The following WWOX variants were observed in gnomAD, a reference collection of about 807,000 sequenced individuals.
The protein encoded by WWOX is WW domain-containing oxidoreductase.
In WWOX, 69 loss-of-function variants were observed where a neutral mutation model predicts 46.2. The ratio of observed to expected loss-of-function variants is 1.49; its 90% CI spans 1.23 to 1.82. The LOEUF is 1.82. WWOX is among the 40% of genes most tolerant of loss of function. WWOX has a pLI of 0.00. For missense variants in WWOX, 919 were observed against 542.6 expected, an observed-to-expected ratio of 1.69 and a Z score of -6.89; for synonymous variants, 359 against 202.6, an observed-to-expected ratio of 1.77 and a Z score of -6.56.
Position 78,497,673 on chromosome 16 carries a change from C to T in WWOX, c.1056+64921C>T, listed in dbSNP as rs755760062. ...AGCATTATTGTGTGTTGAATAAATACTTGTTTGATTAGGTCTAATCACTCT... is the reference window on the plus strand; with the variant it reads ...AGCATTATTGTGTGTTGAATAAATATTTGTTTGATTAGGTCTAATCACTCT... On this transcript the variant is annotated intron_variant, in intron 8 of 8. Transcript: ENST00000566780. Among the ~76,000 whole-genome samples the T allele has an allele frequency of 2.6e-5, 4 of 152,114 alleles. No homozygotes were observed. In the South Asian group the frequency reaches 6.2e-4, roughly 24 times the overall value.
intron 8 of WWOX, among the ~76,000 whole-genome samples, chr16:78,874,255 CAAAAA>C (rs55971104): frequency 1.0e-3 from 94 of 91,552 alleles, no homozygotes; most frequent in African/African-American, 3.8e-3. Context: ...GACTCTGTCT[CAAAAA>C]AAAAAAAAAA....
At chr16:78,900,307 A>G (rs2044798486) in intron 8 of WWOX, among the ~76,000 whole-genome samples, 1 of 152,114 alleles carries the variant, frequency 6.6e-6, no homozygotes, top group African/African-American at 2.4e-5. Flanking sequence ...CATACACTGA[A>G]CATGTTGAAA....
At chr16:78,153,387 A>G (rs1033984641) in intron 4 of WWOX, among the ~76,000 whole-genome samples, 1 of 152,194 alleles carries the variant, frequency 6.6e-6, no homozygotes. Context: ...TTAGGAGGAT[A>G]TAGGAGAAAC....
intron 8 of WWOX, among the ~76,000 whole-genome samples, chr16:79,108,631 G>A (rs1360041261): frequency 6.6e-6 from 1 of 152,212 alleles, no homozygotes; most frequent in Non-Finnish European, 1.5e-5. Flanking sequence ...TTCGGGCATG[G>A]TGGCTCAAGC....
At chr16:78,239,649 C>T (rs1234685186) in intron 5 of WWOX, among the ~76,000 whole-genome samples, 1 of 152,152 alleles carries the variant, frequency 6.6e-6, no homozygotes, top group Non-Finnish European at 1.5e-5. Context: ...ATTCTCCTGT[C>T]TCAGTCTCCT....
chr16:78,933,100 C>T (rs1349957155), intron 8 of WWOX, among the ~76,000 whole-genome samples: 2 of 152,184 alleles, frequency 1.3e-5, no homozygotes, highest in Non-Finnish European at 2.9e-5. Context: ...GTTGCTACCC[C>T]TGAGCACCAT....
chr16:78,853,516 C>T (rs1249087915), intron 8 of WWOX, among the ~76,000 whole-genome samples: 2 of 152,170 alleles, frequency 1.3e-5, no homozygotes, highest in East Asian at 1.9e-4. Flanking sequence ...CATTCCATAA[C>T]CCGGTGTGCT....
chr16:78,684,634 A>G (rs941628557), intron 8 of WWOX, among the ~76,000 whole-genome samples: 1 of 152,184 alleles, frequency 6.6e-6, no homozygotes, highest in Non-Finnish European at 1.5e-5. Context: ...GTCCCTGCTA[A>G]TGGCTGAGAA....
intron 8 of WWOX, among the ~76,000 whole-genome samples, chr16:78,508,920 G>A (rs1313120219): frequency 6.6e-6 from 1 of 152,204 alleles, no homozygotes; most frequent in African/African-American, 2.4e-5. Flanking sequence ...TGTTACATCT[G>A]CATCATGTAT....
chr16:78,342,523 C>G (rs1251126089), intron 5 of WWOX, among the ~76,000 whole-genome samples: 1 of 119,694 alleles, frequency 8.4e-6, no homozygotes, highest in East Asian at 1.9e-4. Context: ...AGTCCCTGGC[C>G]CCTATGTAAT....
At chr16:79,156,269 C>T (rs1247155755) in intron 8 of WWOX, among the ~76,000 whole-genome samples, 2 of 152,158 alleles carry the variant, frequency 1.3e-5, no homozygotes, top group African/African-American at 2.4e-5. Context: ...TCAAGCAATC[C>T]TCCCACGTCA....
At chr16:78,626,280 G>A (rs1337019419) in intron 8 of WWOX, among the ~76,000 whole-genome samples, 1 of 151,970 alleles carries the variant, frequency 6.6e-6, no homozygotes, top group East Asian at 1.9e-4. Flanking sequence ...ACAGGCATGC[G>A]CCACCACGCT....
chr16:78,776,768 C>T (rs1044548411), intron 8 of WWOX, among the ~76,000 whole-genome samples: 2 of 152,104 alleles, frequency 1.3e-5, no homozygotes, highest in African/African-American at 4.8e-5. Context: ...TACATGGCGG[C>T]AGGCAAGAGG....
intron 4 of WWOX, among the ~76,000 whole-genome samples, chr16:78,151,128 C>T (rs926168509): frequency 1.1e-4 from 16 of 151,832 alleles, no homozygotes; most frequent in Non-Finnish European, 2.4e-4. Flanking sequence ...CCTCTTGCCT[C>T]AGCTTCCCAA....
chr16:78,697,574 A>G (rs970486889), intron 8 of WWOX, among the ~76,000 whole-genome samples: 2 of 152,162 alleles, frequency 1.3e-5, no homozygotes, highest in African/African-American at 2.4e-5. Context: ...TAACAATCCC[A>G]TCAAAAAGTG....
At chr16:79,136,231 C>T (rs894432790) in intron 8 of WWOX, among the ~76,000 whole-genome samples, 4 of 150,126 alleles carry the variant, frequency 2.7e-5, no homozygotes, top group Non-Finnish European at 5.9e-5. Flanking sequence ...GATGTCACTT[C>T]TTCTTTTTTT....
intron 8 of WWOX, among the ~76,000 whole-genome samples, chr16:78,911,386 G>C (rs1044975379): frequency 6.6e-6 from 1 of 152,016 alleles, no homozygotes; most frequent in African/African-American, 2.4e-5. Flanking sequence ...TGGAGAAGCA[G>C]TCTTTTCTTT....
At chr16:78,674,929 G>T (rs1315296583) in intron 8 of WWOX, among the ~76,000 whole-genome samples, 1 of 151,756 alleles carries the variant, frequency 6.6e-6, no homozygotes, top group Non-Finnish European at 1.5e-5. Context: ...TGTATGCATG[G>T]GTTTGTTCAA....
chr16:78,186,387 G>C (rs893892897), intron 5 of WWOX, among the ~76,000 whole-genome samples: 14 of 152,158 alleles, frequency 9.2e-5, no homozygotes, highest in Admixed American at 1.3e-4. Context: ...TTAATTGCTA[G>C]AACTCACAGT....
Sources: gnomAD v4.1 joint callset for allele counts (sites outside exome capture counted in the v4.1 genomes callset) on GRCh38, gnomAD v4.1.1 for gene constraint, MANE v1.5 for transcripts, NCBI Gene and HGNC (gene_info 2026-07-23, HGNC 2026-07-21) for gene names.